GLIS3: variants seen among roughly 807,000 people sequenced by gnomAD.
GLIS3 encodes the protein zinc finger protein GLIS3.
GLIS3 carries 53 observed loss-of-function variants against 78.6 expected under a neutral mutation model. The ratio of observed to expected loss-of-function variants is 0.67; its 90% CI spans 0.54 to 0.85. The LOEUF (loss-of-function observed/expected upper bound fraction) is 0.85, where lower values mean the gene tolerates loss of function less well. Ranked by LOEUF, GLIS3 falls within the 40% of genes least tolerant of loss-of-function variation. The pLI, the probability that GLIS3 is intolerant of heterozygous loss-of-function variation, is 0.00. For missense variants in GLIS3, 1,703 were observed against 1,231.1 expected (o/e 1.38, Z -5.74); for synonymous variants, 684 against 509.9 (o/e 1.34, Z -4.60).
chr9:4,423,398 T>C, the GLIS3 span, among the ~76,000 whole-genome samples: 1 of 152,090 alleles, frequency 6.6e-6, no homozygotes, highest in East Asian at 1.9e-4. Context: ...CAACCCATCT[T>C]TTCCCAGCTG....
At chr9:3,886,356 G>A (rs938505792) in intron 7 of GLIS3, among the ~76,000 whole-genome samples, 3 of 152,112 alleles carry the variant, frequency 2.0e-5, no homozygotes, top group Admixed American at 6.6e-5. Context: ...TATTTTGCAC[G>A]AGTAGAGTAA....
intron 4 of GLIS3, among the ~76,000 whole-genome samples, chr9:4,095,798 G>C (rs1829889512): frequency 6.6e-6 from 1 of 152,180 alleles, no homozygotes; most frequent in Admixed American, 6.5e-5. Context: ...TGCCATTGTA[G>C]TTCTCCAATA....
chr9:4,482,720 T>TGTGGCA, the GLIS3 span, among the ~76,000 whole-genome samples: 1 of 152,234 alleles, frequency 6.6e-6, no homozygotes, highest in Non-Finnish European at 1.5e-5. Context: ...TGTAACTTTT[T>TGTGGCA]GTGGCAAAGT....
intron 4 of GLIS3, among the ~76,000 whole-genome samples, chr9:4,026,442 A>G (rs1205059954): frequency 6.6e-6 from 1 of 152,238 alleles, no homozygotes; most frequent in Non-Finnish European, 1.5e-5. Flanking sequence ...AAAGCTCAAC[A>G]AAAGCATAAA....
intron 8 of GLIS3, among the ~76,000 whole-genome samples, chr9:3,868,088 C>T (rs1820720973): frequency 6.6e-6 from 1 of 152,118 alleles, no homozygotes; most frequent in Non-Finnish European, 1.5e-5. Context: ...TCAACTATTC[C>T]AATGATCAAG....
At chr9:4,294,341 C>T (rs1001819724) in intron 1 of GLIS3, among the ~76,000 whole-genome samples, 2 of 152,234 alleles carry the variant, frequency 1.3e-5, no homozygotes, top group South Asian at 4.1e-4. Flanking sequence ...AAACCCCCAT[C>T]TCTACTAAAA....
chr9:4,196,468 G>C (rs191328386), intron 2 of GLIS3, among the ~76,000 whole-genome samples: 36 of 152,280 alleles, frequency 2.4e-4, no homozygotes, highest in African/African-American at 7.2e-4. Flanking sequence ...CTCACTATTT[G>C]GGTCCGCACT....
chr9:4,082,916 T>C (rs965696863), intron 4 of GLIS3, among the ~76,000 whole-genome samples: 1 of 152,210 alleles, frequency 6.6e-6, no homozygotes, highest in African/African-American at 2.4e-5. Context: ...CCCATGGTCA[T>C]AAAAAAGTTA....
chr9:3,987,842 A>G lies in GLIS3; in HGVS notation c.1711-50653T>C, dbSNP rs941940803. The stretch of plus-strand genomic sequence containing the variant: ...AAAAAACAGTGAATCCAAACCAGAT[A>G]AACTCAGGAAAATATACACTAAAAC... On this transcript the variant is annotated intron_variant, in intron 4 of 10. Transcript: ENST00000381971. Among the ~76,000 whole-genome samples, 4 of 151,554 alleles carry G rather than the reference A, an allele frequency of 2.6e-5. No homozygotes were observed. The East Asian group carries it at 5.8e-4, about 22-fold the overall frequency.
At chr9:4,451,472 T>A in the GLIS3 span, among the ~76,000 whole-genome samples, 1 of 152,148 alleles carries the variant, frequency 6.6e-6, no homozygotes, top group African/African-American at 2.4e-5. Flanking sequence ...TATCCAGGAA[T>A]TGAACTCAGC....
At chr9:4,438,835 A>G in the GLIS3 span, among the ~76,000 whole-genome samples, 2 of 152,248 alleles carry the variant, frequency 1.3e-5, no homozygotes, top group East Asian at 3.9e-4. Flanking sequence ...GAACTCCCCA[A>G]CCACATGGAA....
intron 2 of GLIS3, among the ~76,000 whole-genome samples, chr9:4,258,275 T>A (rs989755826): frequency 1.3e-5 from 2 of 152,176 alleles, no homozygotes; most frequent in African/African-American, 4.8e-5. Context: ...AAAAGATCCA[T>A]AAAGAATAGT....
Position 3,826,148 on chromosome 9 carries a change from T to G in GLIS3, c.*2124A>C, listed in dbSNP as rs1024420176. 2 of 152,242 alleles carry G rather than the reference T, an allele frequency of 1.3e-5. No homozygotes were observed. Among genetic ancestry groups the G allele is most frequent in the Admixed American group, 1.3e-4 (2 of 15,290 alleles). The allele number at this position is 152,242 out of a possible 1,614,324, so 9.4% of individuals were successfully genotyped here. ...AAAAGGCAGGGCTGACAATGTCAAC[T>G]GCAATAACAACCTTGCCTTTTCATC... On this transcript the variant is annotated 3_prime_UTR_variant, in exon 11 of 11. Transcript: ENST00000381971.
intron 9 of GLIS3, among the ~76,000 whole-genome samples, chr9:3,847,770 C>A (rs1435543861): frequency 6.6e-6 from 1 of 152,192 alleles, no homozygotes; most frequent in African/African-American, 2.4e-5. Context: ...AGAACACAGT[C>A]TGAATTTCTC....
At position 3,856,319 on chromosome 9, in the gene GLIS3, T is replaced by C. The variant is rs10733494; in HGVS notation, c.2298-135A>G. 598,608 of 786,906 alleles carry C rather than the reference T, an allele frequency of 0.76. 228,557 individuals are homozygous for C. Among genetic ancestry groups the C allele is most frequent in the East Asian group, 0.82 (30,371 of 37,248 alleles). The allele number at this position is 786,906 out of a possible 1,614,324, so 48.7% of individuals were successfully genotyped here. A position where few individuals can be genotyped will look rare whatever the true frequency, so the allele number is the denominator to read the frequency against. On this transcript the variant is annotated intron_variant, in intron 8 of 10. Coordinates refer to ENST00000381971, the MANE Select transcript of GLIS3 (RefSeq NM_001042413.2). ...ACAACAAGCCTTTTAAAAAAAAATC[T>C]TTCAGGATTTTTCTCTACCCTCTCT... is the stretch of plus-strand genomic sequence containing the variant.
intron 4 of GLIS3, chr9:4,034,872 G>A (rs1357612002): frequency 6.6e-6 from 1 of 152,146 alleles, no homozygotes; most frequent in East Asian, 1.9e-4. Context: ...AGGGTGAGTG[G>A]TGAGGGGGAC....
At position 4,118,400 on chromosome 9, in the gene GLIS3, G is replaced by T. The variant is rs1466734803; in HGVS notation, c.1078C>A (p.Pro360Thr). Residue 360 changes from proline (P) to threonine (T), a missense_variant, in exon 4 of 11, where the codon CCC becomes ACC. Pro to Thr is a conservative substitution (Grantham distance 38). Coordinates refer to ENST00000381971, the MANE Select transcript of GLIS3 (RefSeq NM_001042413.2). The surrounding 1 kb of genome is among the most constrained non-coding windows in gnomAD (Gnocchi z 4.7). ...CTGCCGGGCACCGGGCGCGGCTGGGGAATGCAGCTGCCGCGCACGCCCAGG... is the reference window on the plus strand; with the variant it reads ...CTGCCGGGCACCGGGCGCGGCTGGGTAATGCAGCTGCCGCGCACGCCCAGG... ...HFLGVRGSCI[P>T]QPRPVPGSQK... 6.2e-7 allele frequency: 1 copy of T among 1,605,780 alleles called. No individual in the cohort carries two copies. Among genetic ancestry groups the T allele is most frequent in the African/African-American group, 1.3e-5 (1 of 74,890 alleles).
chr9:4,087,863 T>G (rs1475176504), intron 4 of GLIS3, among the ~76,000 whole-genome samples: 1 of 152,198 alleles, frequency 6.6e-6, no homozygotes, highest in Non-Finnish European at 1.5e-5. Flanking sequence ...ATTATTCTCT[T>G]TGGCCCCTCA....
rs146266454 is a variant in GLIS3 at position 4,033,823 on chromosome 9, C to G, written c.1710+83945G>C. On this transcript the variant is annotated intron_variant, in intron 4 of 10. Coordinates refer to ENST00000381971, the MANE Select transcript of GLIS3 (RefSeq NM_001042413.2). ...AATCCCTTTCATGCACATGGCAACA[C>G]AAGGATTTGTTTAATTGCCCCCAAA... Among the ~76,000 whole-genome samples, 236 of 102,602 alleles carry G rather than the reference C, an allele frequency of 2.3e-3. 1 individual carries two copies. The Admixed American group carries it at 0.028, about 12-fold the overall frequency. 67.3% of individuals were successfully genotyped at this position (102,602 alleles called of 152,430 possible).
Sources: gnomAD v4.1 joint callset for allele counts (sites outside exome capture counted in the v4.1 genomes callset) on GRCh38, gnomAD v4.1.1 for gene constraint, Gnocchi (gnomAD v3.1) non-coding constraint, MANE v1.5 for transcripts, NCBI Gene and HGNC (gene_info 2026-07-23, HGNC 2026-07-21) for gene names.